Variants in KLHL22 observed in about 807,000 individuals in gnomAD.
KLHL22 encodes kelch like family member 22.
KLHL22 carries 18 observed loss-of-function variants against 60.7 expected under a neutral mutation model. The observed-to-expected ratio is 0.30, with a 90% CI of 0.20 to 0.44. The LOEUF is 0.44. Ranked by LOEUF, KLHL22 falls within the 20% of genes least tolerant of loss-of-function variation. The pLI, the probability that KLHL22 is intolerant of heterozygous loss-of-function variation, is 1.00. For synonymous variants in KLHL22, 355 were observed against 354.5 expected, an observed-to-expected ratio of 1.00 and a Z score of -0.01; for missense variants, 596 against 852.3, an observed-to-expected ratio of 0.70 and a Z score of 3.74.
At chr22:20,451,735 T>G in intron 5 of KLHL22, 1 of 1,571,648 alleles carries the variant, frequency 6.4e-7, no homozygotes, top group Non-Finnish European at 8.8e-7. Context: ...CATTGAATGT[T>G]ACAACCCTAT....
chr22:20,477,889 C>G (rs2053439266), intron 2 of KLHL22, among the ~76,000 whole-genome samples: 1 of 152,114 alleles, frequency 6.6e-6, no homozygotes, highest in Non-Finnish European at 1.5e-5. Flanking sequence ...ATGGCTCAAT[C>G]ATAAATTTTC....
chr22:20,487,063 G>A (rs763082206), intron 2 of KLHL22, among the ~76,000 whole-genome samples: 3 of 152,004 alleles, frequency 2.0e-5, no homozygotes, highest in African/African-American at 7.2e-5. Flanking sequence ...GGGATTACAG[G>A]CATGTGCCAC....
chr22:20,480,827 CTTTTTTTTTTTT>C (rs760373717), intron 2 of KLHL22, among the ~76,000 whole-genome samples: 1 of 121,570 alleles, frequency 8.2e-6, no homozygotes, highest in Admixed American at 8.5e-5. Context: ...TTACGCCAAA[CTTTTTTTTTTTT>C]TTTTTTTTTT....
At chr22:20,484,132 C>G (rs191071567) in intron 2 of KLHL22, 59 of 711,256 alleles carry the variant, frequency 8.3e-5, no homozygotes, top group Admixed American at 5.5e-4. Context: ...AGCAAGAGGA[C>G]AGGACTCAGG....
At position 20,470,901 on chromosome 22, in the gene KLHL22, T is replaced by C. The variant is rs148724920; in HGVS notation, c.393+449A>G. Among the ~76,000 whole-genome samples, 79 of 152,156 alleles carry C rather than the reference T, an allele frequency of 5.2e-4. 1 individual carries two copies. Among genetic ancestry groups the C allele is most frequent in the African/African-American group, 1.7e-3 (71 of 41,496 alleles). On this transcript the variant is annotated intron_variant, in intron 3 of 6. Transcript: ENST00000328879. ...ATGGATGGATGGACAGACAAATAGA[T>C]AGATAAAGTTCAGTAACAAAACACA...
intron 1 of KLHL22, among the ~76,000 whole-genome samples, chr22:20,490,473 A>G (rs1002624457): frequency 3.3e-5 from 5 of 152,172 alleles, no homozygotes; most frequent in East Asian, 3.8e-4. Flanking sequence ...CTTATACCAC[A>G]ACAACAAACA....
chr22:20,449,482 CCT>C (rs761504452), intron 5 of KLHL22, among the ~76,000 whole-genome samples: 3 of 152,140 alleles, frequency 2.0e-5, no homozygotes, highest in Non-Finnish European at 4.4e-5. Flanking sequence ...CTCACTGCAA[CCT>C]CTGCCTCCCA....
At chr22:20,467,041 A>T (rs2053247033) in intron 3 of KLHL22, among the ~76,000 whole-genome samples, 1 of 152,236 alleles carries the variant, frequency 6.6e-6, no homozygotes, top group Middle Eastern at 3.2e-3. Context: ...CTGGGAGAAC[A>T]AACCAGGTGT....
At chr22:20,484,440 G>A (rs927151926) in intron 2 of KLHL22, among the ~76,000 whole-genome samples, 3 of 152,016 alleles carry the variant, frequency 2.0e-5, no homozygotes, top group Admixed American at 1.3e-4. Flanking sequence ...AATTACAGGT[G>A]TGCACCACTA....
chr22:20,462,884 C>T (rs572595102), intron 4 of KLHL22, among the ~76,000 whole-genome samples: 31 of 152,240 alleles, frequency 2.0e-4, no homozygotes, highest in African/African-American at 6.7e-4. Flanking sequence ...TTTAAATATG[C>T]GGTTTCTGCA....
intron 3 of KLHL22, among the ~76,000 whole-genome samples, chr22:20,469,357 A>C (rs927685799): frequency 6.6e-6 from 1 of 152,132 alleles, no homozygotes; most frequent in Non-Finnish European, 1.5e-5. Context: ...CACAGGACAC[A>C]CAGAGCAGGG....
At chr22:20,450,604 C>T in intron 5 of KLHL22, 5 of 1,602,448 alleles carry the variant, frequency 3.1e-6, no homozygotes, top group Non-Finnish European at 4.3e-6. Flanking sequence ...GAAGAATTTT[C>T]CTGAAGTGGT....
At chr22:20,485,508 G>A (rs2053570051) in intron 2 of KLHL22, among the ~76,000 whole-genome samples, 1 of 152,180 alleles carries the variant, frequency 6.6e-6, no homozygotes, top group South Asian at 2.1e-4. Context: ...GACAATTAGG[G>A]AAAGCTCTCC....
chr22:20,486,601 A>T (rs1207456854), intron 2 of KLHL22, among the ~76,000 whole-genome samples: 2 of 152,224 alleles, frequency 1.3e-5, no homozygotes. Flanking sequence ...GGAAAAAAAT[A>T]GTCCTTTATC....
chr22:20,444,746 TGA>T (rs1201776416), intron 6 of KLHL22, among the ~76,000 whole-genome samples: 1 of 152,182 alleles, frequency 6.6e-6, no homozygotes, highest in African/African-American at 2.4e-5. Context: ...CAAAAGTCAC[TGA>T]GAGAAGCAGA....
chr22:20,486,259 C>G (rs1248263463), intron 2 of KLHL22, among the ~76,000 whole-genome samples: 1 of 152,134 alleles, frequency 6.6e-6, no homozygotes. Context: ...TCTCCCTTTG[C>G]CCTTTGCTGA....
At chr22:20,443,019 T>C (rs1386067315) in intron 6 of KLHL22, among the ~76,000 whole-genome samples, 2 of 152,228 alleles carry the variant, frequency 1.3e-5, no homozygotes, top group African/African-American at 4.8e-5. Flanking sequence ...ATGTTCAACC[T>C]ACTAGTAATT....
intron 2 of KLHL22, among the ~76,000 whole-genome samples, chr22:20,472,500 C>G (rs1021313970): frequency 1.1e-4 from 17 of 152,046 alleles, no homozygotes; most frequent in Non-Finnish European, 1.5e-4. Flanking sequence ...GCAAGGCGGG[C>G]AGATCACCTG....
intron 2 of KLHL22, among the ~76,000 whole-genome samples, chr22:20,479,702 CA>C: frequency 6.6e-6 from 1 of 152,132 alleles, no homozygotes; most frequent in Admixed American, 6.5e-5. Context: ...TCTCAAAAAA[CA>C]AAACAAACAA....
Sources: allele counts gnomAD v4.1 joint callset (sites outside exome capture counted in the v4.1 genomes callset), GRCh38; gene constraint gnomAD v4.1.1; transcripts MANE v1.5; gene names NCBI Gene and HGNC (gene_info 2026-07-23, HGNC 2026-07-21).